The following PID1 variants were observed in gnomAD, a reference collection of about 807,000 sequenced individuals.
PID1 encodes the protein phosphotyrosine interaction domain containing 1.
Under a neutral mutation model 19.1 loss-of-function variants are expected in PID1, and 10 were observed. The observed-to-expected ratio is 0.52, with a 90% CI of 0.32 to 0.89. PID1 has a LOEUF of 0.89. PID1 is among the 40% of genes least tolerant of loss of function. PID1 has a pLI of 0.03. For synonymous variants in PID1, 130 were observed against 116.0 expected, an observed-to-expected ratio of 1.12 and a Z score of -0.78; for missense variants, 248 against 285.3, an observed-to-expected ratio of 0.87 and a Z score of 0.94.
chr2:229,257,961 T>A (rs1391140712), intron 1 of PID1, among the ~76,000 whole-genome samples: 2 of 152,212 alleles, frequency 1.3e-5, no homozygotes, highest in Non-Finnish European at 2.9e-5. Context: ...ATGGATTTGC[T>A]CTTTGCTTTC....
intron 2 of PID1, among the ~76,000 whole-genome samples, chr2:229,034,773 G>A (rs993648409): frequency 6.6e-6 from 1 of 150,996 alleles, no homozygotes; most frequent in Non-Finnish European, 1.5e-5. Flanking sequence ...ATATATATAT[G>A]TATAAGCAAA....
intron 2 of PID1, among the ~76,000 whole-genome samples, chr2:229,044,918 C>T (rs747005909): frequency 1.3e-5 from 2 of 151,988 alleles, no homozygotes; most frequent in Non-Finnish European, 2.9e-5. Context: ...GGCATAAAAA[C>T]GTATTAGGTA....
intron 1 of PID1, among the ~76,000 whole-genome samples, chr2:229,256,927 C>T (rs1219845533): frequency 6.6e-6 from 1 of 152,118 alleles, no homozygotes; most frequent in Non-Finnish European, 1.5e-5. Context: ...TCTGAAATAA[C>T]TCCTAATAAG....
rs1182386672 is a variant in PID1 at position 229,155,896 on chromosome 2, G to A, written c.99C>T (p.Val33=). The change falls in exon 2 of 3, where the codon GTC becomes GTT. Residue 33 remains valine (V), a synonymous_variant. Coordinates refer to ENST00000392055, the MANE Select transcript of PID1 (RefSeq NM_001100818.2). ...CAATGGCCTCCGGCTCATGGAAGAT[G>A]ACCGCTGGGAGAGGTTCCTTTTTCA... ...LTLKKEPLPA[V]IFHEPEAIEL... 1 of 1,613,898 alleles carries A rather than the reference G, an allele frequency of 6.2e-7. No homozygotes were observed. The highest frequency in any genetic ancestry group is 1.7e-5 in the Admixed American group (1 of 60,030).
At chr2:229,045,148 T>A (rs1693849730) in intron 2 of PID1, among the ~76,000 whole-genome samples, 1 of 152,090 alleles carries the variant, frequency 6.6e-6, no homozygotes, top group Non-Finnish European at 1.5e-5. Context: ...GAGATGGGGT[T>A]TTGCCATGTT....
At chr2:229,176,108 G>A (rs1225965713) in intron 1 of PID1, among the ~76,000 whole-genome samples, 2 of 151,584 alleles carry the variant, frequency 1.3e-5, no homozygotes, top group East Asian at 1.9e-4. Context: ...ACACGCTCAT[G>A]AAATTTAGAT....
chr2:229,141,721 T>C (rs1348078462), intron 2 of PID1, among the ~76,000 whole-genome samples: 1 of 152,154 alleles, frequency 6.6e-6, no homozygotes, highest in East Asian at 1.9e-4. Context: ...ATTTCATTTA[T>C]CCTCATTACT....
intron 2 of PID1, among the ~76,000 whole-genome samples, chr2:229,065,391 T>A (rs1452085478): frequency 6.6e-6 from 1 of 152,168 alleles, no homozygotes; most frequent in Admixed American, 6.5e-5. Context: ...ACCAATTAGA[T>A]CCTGCAGAAA....
chr2:229,113,401 T>C (rs1006369484), intron 2 of PID1, among the ~76,000 whole-genome samples: 3 of 139,190 alleles, frequency 2.2e-5, no homozygotes, highest in Non-Finnish European at 4.5e-5. Context: ...TATATTTATA[T>C]ATATATATTT....
intron 1 of PID1, among the ~76,000 whole-genome samples, chr2:229,188,036 T>A (rs758355226): frequency 4.6e-5 from 7 of 152,226 alleles, no homozygotes; most frequent in Non-Finnish European, 8.8e-5. Flanking sequence ...CTATTGACTT[T>A]TAAACCCATA....
At chr2:229,135,978 T>A (rs143634170) in intron 2 of PID1, among the ~76,000 whole-genome samples, 4 of 152,328 alleles carry the variant, frequency 2.6e-5, no homozygotes, top group African/African-American at 9.6e-5. Context: ...GCCTTTTTAC[T>A]CTTGCCTTGA....
At chr2:229,033,043 G>A (rs1385549084) in intron 2 of PID1, among the ~76,000 whole-genome samples, 1 of 152,098 alleles carries the variant, frequency 6.6e-6, no homozygotes, top group East Asian at 1.9e-4. Context: ...GCTCATCTGT[G>A]GCAAAACAAA....
intron 2 of PID1, among the ~76,000 whole-genome samples, chr2:229,040,551 T>C (rs977936467): frequency 3.3e-5 from 5 of 152,206 alleles, no homozygotes; most frequent in South Asian, 2.1e-4. Context: ...CCTTTTTGTA[T>C]AGTTGTGACT....
intron 1 of PID1, among the ~76,000 whole-genome samples, chr2:229,247,193 A>G (rs1337063291): frequency 6.6e-6 from 1 of 152,184 alleles, no homozygotes; most frequent in African/African-American, 2.4e-5. Flanking sequence ...ATGAAAGATA[A>G]AGCAAAAGAA....
chr2:229,229,946 T>C (rs1211991554), intron 1 of PID1, among the ~76,000 whole-genome samples: 1 of 152,230 alleles, frequency 6.6e-6, no homozygotes, highest in African/African-American at 2.4e-5. Context: ...ACTCAGGTGA[T>C]CTATTAAGTT....
chr2:229,184,387 G>A (rs1362581380), intron 1 of PID1, among the ~76,000 whole-genome samples: 1 of 84,434 alleles, frequency 1.2e-5, no homozygotes. Flanking sequence ...TATCTATCCC[G>A]TATATATCTA....
At chr2:229,033,878 C>T (rs1331670444) in intron 2 of PID1, among the ~76,000 whole-genome samples, 1 of 152,130 alleles carries the variant, frequency 6.6e-6, no homozygotes, top group African/African-American at 2.4e-5. Context: ...CAGAGTCAAG[C>T]TCTTCTTCCA....
At chr2:229,198,998 C>T (rs1691435128) in intron 1 of PID1, among the ~76,000 whole-genome samples, 1 of 152,074 alleles carries the variant, frequency 6.6e-6, no homozygotes, top group Non-Finnish European at 1.5e-5. Flanking sequence ...CGTACCATGG[C>T]TAACAAGGTC....
intron 1 of PID1, among the ~76,000 whole-genome samples, chr2:229,195,414 A>G (rs1559279988): frequency 6.6e-6 from 1 of 151,872 alleles, no homozygotes; most frequent in African/African-American, 2.4e-5. Flanking sequence ...TAACATGCAT[A>G]CATACATGTA....
Sources: gnomAD v4.1 joint callset for allele counts (sites outside exome capture counted in the v4.1 genomes callset) on GRCh38, gnomAD v4.1.1 for gene constraint, MANE v1.5 for transcripts, NCBI Gene and HGNC (gene_info 2026-07-23, HGNC 2026-07-21) for gene names.